CFAP221: variants seen among roughly 807,000 people sequenced by gnomAD.
The protein encoded by CFAP221 is cilia- and flagella-associated protein 221.
Under a neutral mutation model 113.1 loss-of-function variants are expected in CFAP221, and 97 were observed. The ratio of observed to expected loss-of-function variants is 0.86; its 90% confidence interval spans 0.73 to 1.02. The LOEUF is 1.02. CFAP221 is among the 50% of genes least tolerant of loss of function. CFAP221 has a pLI of 0.00. For missense variants in CFAP221, 1,025 were observed against 1,013.4 expected, an observed-to-expected ratio of 1.01 and a Z score of -0.16; for synonymous variants, 331 against 354.4, an observed-to-expected ratio of 0.93 and a Z score of 0.74.
chr2:119,611,820 T>C, intron 13 of CFAP221, 78 bp downstream of exon 13: 2 of 1,045,698 alleles, frequency 1.9e-6, no homozygotes, highest in Non-Finnish European at 2.9e-6. Context: ...CTAAACAATT[T>C]TATAGAAATC....
At chr2:119,548,993 T>C (rs1680238632) in intron 2 of CFAP221, 92 bp from the exon 3 acceptor site, 1 of 845,168 alleles carries the variant, frequency 1.2e-6, no homozygotes, top group Non-Finnish European at 1.7e-6. Flanking sequence ...TAAAATGCCC[T>C]AAATTAAAGA....
chr2:119,560,122 A>C, intron 5 of CFAP221, 96 bp downstream of exon 5: 1 of 982,648 alleles, frequency 1.0e-6, no homozygotes, highest in Non-Finnish European at 1.5e-6. Flanking sequence ...TGGAATGACC[A>C]CTGAGAGCTT....
chr2:119,560,306 A>G lies in CFAP221; in HGVS notation c.426+280A>G, dbSNP rs560210629. 2.6e-5 allele frequency among the ~76,000 whole-genome samples: 4 copies of G among 152,300 alleles called. No individual in the cohort carries two copies. The South Asian group carries it at 6.2e-4, about 24-fold the overall frequency. ...CTGCCCTGTGCCTAAAGCTTCATCT[A>G]TCATGTGGTGCTGGCAGTTGCCGAA... On this transcript the variant is annotated intron_variant, in intron 5 of 23. Coordinates refer to ENST00000413369, the MANE Select transcript of CFAP221 (RefSeq NM_001271049.2).
In CFAP221 at chr2:119,561,999, T is replaced by C. The variant is rs1437575831; in HGVS notation, c.427-15T>C. 40 of 1,512,948 alleles carry C rather than the reference T, an allele frequency of 2.6e-5. No homozygotes were observed. The highest frequency in any genetic ancestry group is 3.3e-5 in the Non-Finnish European group (37 of 1,128,700). The allele number at this position is 1,512,948 out of a possible 1,614,324, so 93.7% of individuals were successfully genotyped here. A position where few individuals can be genotyped will look rare whatever the true frequency, so the allele number is the denominator to read the frequency against. On this transcript the variant is annotated splice_polypyrimidine_tract_variant and intron_variant, in intron 5 of 23. Coordinates refer to ENST00000413369, the MANE Select transcript of CFAP221 (RefSeq NM_001271049.2). ...CTTCAGAATGTTAAACTTGACTTTT[T>C]CTGGTTAATTTTAGGGAGATGACAC...
chr2:119,563,416 G>A (rs1054006761), intron 6 of CFAP221, among the ~76,000 whole-genome samples: 4 of 152,156 alleles, frequency 2.6e-5, no homozygotes, highest in African/African-American at 9.7e-5. Context: ...CTCAAATGCA[G>A]AGGGCCTAGT....
chr2:119,579,422 T>A (rs1021075968), intron 6 of CFAP221, among the ~76,000 whole-genome samples: 2 of 152,218 alleles, frequency 1.3e-5, no homozygotes, highest in African/African-American at 4.8e-5. Flanking sequence ...TCTTTAAATA[T>A]GAAGAACTTC....
At chr2:119,556,490 T>C (rs1236576757) in intron 3 of CFAP221, among the ~76,000 whole-genome samples, 3 of 152,146 alleles carry the variant, frequency 2.0e-5, no homozygotes, top group African/African-American at 7.2e-5. Flanking sequence ...TTATCACAAA[T>C]TGGATCTATG....
chr2:119,644,381 C>A (rs372274508), intron 21 of CFAP221, among the ~76,000 whole-genome samples: 1 of 152,132 alleles, frequency 6.6e-6, no homozygotes. Flanking sequence ...TGGTCCCTGG[C>A]GAGCGGCCCA....
In CFAP221 at chr2:119,611,665, G is replaced by A; in HGVS notation, c.1234G>A (p.Asp412Asn). 6.2e-7 allele frequency: 1 copy of A among 1,613,346 alleles called. No homozygotes were observed. The highest frequency in any genetic ancestry group is 1.3e-5 in the African/African-American group (1 of 74,980). Reference protein sequence around the residue: ...ACAKYKLDRGDPILDEEFQRL... With the variant: ...ACAKYKLDRGNPILDEEFQRL... ...ATTAAAAACCCAGCTAGACAGAGGA[G>A]ATCCTATTTTGGATGAGGAATTTCA... The change falls in exon 13 of 24, where the codon GAT (aspartate) becomes AAT (asparagine). Residue 412 changes from aspartate (D) to asparagine (N), a missense_variant. Physicochemically the swap from Asp to Asn is conservative, Grantham distance 23. Coordinates refer to ENST00000413369, the MANE Select transcript of CFAP221 (RefSeq NM_001271049.2).
intron 6 of CFAP221, among the ~76,000 whole-genome samples, chr2:119,569,411 C>CG (rs775999573): frequency 2.0e-5 from 2 of 100,164 alleles, no homozygotes; most frequent in Non-Finnish European, 4.3e-5. Context: ...AGCCACCGCA[C>CG]CGGCCTTCTT....
At chr2:119,595,268 C>T (rs1328767643) in intron 7 of CFAP221, among the ~76,000 whole-genome samples, 1 of 152,216 alleles carries the variant, frequency 6.6e-6, no homozygotes, top group African/African-American at 2.4e-5. Flanking sequence ...TAGTTAGAGA[C>T]TTTTCCAGGG....
chr2:119,585,843 G>A (rs1045179673), intron 6 of CFAP221, among the ~76,000 whole-genome samples: 1 of 152,142 alleles, frequency 6.6e-6, no homozygotes, highest in Non-Finnish European at 1.5e-5. Context: ...GCCTTCATAG[G>A]ACTCTGAATC....
intron 8 of CFAP221, among the ~76,000 whole-genome samples, chr2:119,603,374 T>C (rs1684495284): frequency 6.6e-6 from 1 of 152,166 alleles, no homozygotes; most frequent in African/African-American, 2.4e-5. Flanking sequence ...CTCAGTTCGC[T>C]ACCTGGCTAA....
At chr2:119,619,704 C>T (rs1019991276) in intron 14 of CFAP221, among the ~76,000 whole-genome samples, 31 of 152,168 alleles carry the variant, frequency 2.0e-4, no homozygotes, top group African/African-American at 5.5e-4. Flanking sequence ...CACAATTCCT[C>T]GACAGCAAGG....
chr2:119,656,295 C>T (rs931981820), intron 23 of CFAP221, 67 bp from the exon 24 acceptor site: 128 of 1,261,672 alleles, frequency 1.0e-4, no homozygotes, highest in Middle Eastern at 9.3e-4. Flanking sequence ...GCACTGCTGG[C>T]GGGGGGTGAT....
chr2:119,548,571 G>C (rs538218731), intron 2 of CFAP221, among the ~76,000 whole-genome samples: 1 of 152,214 alleles, frequency 6.6e-6, no homozygotes, highest in African/African-American at 2.4e-5. Flanking sequence ...ACTGTTCCGA[G>C]TGATAACTTT....
At chr2:119,561,928 CAAGAT>C in intron 5 of CFAP221, 81 bp from the exon 6 acceptor site, 3 of 873,188 alleles carry the variant, frequency 3.4e-6, no homozygotes, top group Middle Eastern at 2.3e-4. Context: ...ACGATGGAAA[CAAGAT>C]AAGAAATAAA....
intron 7 of CFAP221, among the ~76,000 whole-genome samples, chr2:119,589,365 C>T (rs1331908997): frequency 6.6e-6 from 1 of 152,230 alleles, no homozygotes; most frequent in African/African-American, 2.4e-5. Context: ...CCTGACTTGC[C>T]AGGCATCTGG....
chr2:119,644,840 C>G (rs1687699886), intron 21 of CFAP221, among the ~76,000 whole-genome samples: 1 of 152,128 alleles, frequency 6.6e-6, no homozygotes, highest in South Asian at 2.1e-4. Flanking sequence ...TCCACCATTC[C>G]ATATTTGTAT....
Sources: gnomAD v4.1 joint callset for allele counts (sites outside exome capture counted in the v4.1 genomes callset) on GRCh38, gnomAD v4.1.1 for gene constraint, MANE v1.5 for transcripts, NCBI Gene and HGNC (gene_info 2026-07-23, HGNC 2026-07-21) for gene names.